Variants in ANO6 observed in about 807,000 individuals in gnomAD.
ANO6 encodes anoctamin 6, also known as anoctamin-6.
ANO6 carries 106 observed loss-of-function variants against 117.5 expected under a neutral mutation model. The observed-to-expected ratio is 0.90, with a 90% CI of 0.77 to 1.06. ANO6 has a LOEUF of 1.06. Ranked by LOEUF, ANO6 falls within the 50% of genes least tolerant of loss-of-function variation. The pLI is 0.00. For synonymous variants in ANO6, 367 were observed against 385.1 expected (o/e 0.95, Z 0.55); for missense variants, 955 against 1,121.1 (o/e 0.85, Z 2.12).
chr12:45,305,064 G>C (rs867920752), intron 2 of ANO6, among the ~76,000 whole-genome samples: 1 of 152,190 alleles, frequency 6.6e-6, no homozygotes, highest in Admixed American at 6.5e-5. Flanking sequence ...TGCAGACTGA[G>C]GCAGATAAGT....
chr12:45,386,583 G>T (rs1471677522), intron 10 of ANO6, among the ~76,000 whole-genome samples: 2 of 152,150 alleles, frequency 1.3e-5, no homozygotes, highest in Non-Finnish European at 2.9e-5. Context: ...CTGCCAGCAG[G>T]TCTCCCTGCC....
chr12:45,397,705 A>T lies in ANO6; in HGVS notation c.1387-4090A>T, dbSNP rs141203890. 3.7e-3 allele frequency among the ~76,000 whole-genome samples: 559 copies of T among 152,320 alleles called. 4 individuals carry two copies. Among genetic ancestry groups the T allele is most frequent in the African/African-American group, 0.013 (525 of 41,570 alleles). On this transcript the variant is annotated intron_variant, in intron 12 of 19. Coordinates refer to ENST00000320560, the MANE Select transcript of ANO6 (RefSeq NM_001025356.3). ...TTGCAGGGACATGGATGAAGCTGGA[A>T]ACCATCATTCTGAGCAGACTATCAC... is the stretch of plus-strand genomic sequence containing the variant.
intron 1 of ANO6, among the ~76,000 whole-genome samples, chr12:45,271,720 G>A (rs1306935454): frequency 1.3e-5 from 2 of 152,168 alleles, no homozygotes; most frequent in Non-Finnish European, 2.9e-5. Context: ...ATCACAGCTA[G>A]TATCTGCTTA....
At chr12:45,397,002 A>G (rs896248547) in intron 12 of ANO6, among the ~76,000 whole-genome samples, 13 of 152,340 alleles carry the variant, frequency 8.5e-5, no homozygotes, top group Admixed American at 6.5e-4. Context: ...ATGGGATCTA[A>G]TTAAACTAAA....
intron 16 of ANO6, among the ~76,000 whole-genome samples, chr12:45,415,539 G>A (rs1475263294): frequency 6.6e-6 from 1 of 152,214 alleles, no homozygotes; most frequent in Non-Finnish European, 1.5e-5. Context: ...AGTTATTTAG[G>A]GTTGGGTGAG....
At chr12:45,278,073 C>A (rs1938608603) in intron 1 of ANO6, among the ~76,000 whole-genome samples, 1 of 152,030 alleles carries the variant, frequency 6.6e-6, no homozygotes, top group African/African-American at 2.4e-5. Flanking sequence ...CCGCTCAAAC[C>A]ACCCTCCACC....
chr12:45,237,091 G>A (rs544319972), intron 1 of ANO6, among the ~76,000 whole-genome samples: 1 of 152,100 alleles, frequency 6.6e-6, no homozygotes, highest in Admixed American at 6.5e-5. Flanking sequence ...TTTTTTTCTT[G>A]TAAATTTGAA....
intron 2 of ANO6, among the ~76,000 whole-genome samples, chr12:45,315,538 G>A (rs1222384022): frequency 3.3e-5 from 5 of 151,934 alleles, no homozygotes; most frequent in South Asian, 2.1e-4. Flanking sequence ...CTTCCTATCC[G>A]TTAGATTCCT....
intron 11 of ANO6, among the ~76,000 whole-genome samples, chr12:45,389,165 G>A (rs935762161): frequency 1.9e-4 from 29 of 152,136 alleles, no homozygotes; most frequent in African/African-American, 6.3e-4. Flanking sequence ...ACAAAATGTT[G>A]GCACTAAAAG....
At chr12:45,294,174 A>G (rs1939211287) in intron 1 of ANO6, among the ~76,000 whole-genome samples, 1 of 152,190 alleles carries the variant, frequency 6.6e-6, no homozygotes, top group South Asian at 2.1e-4. Flanking sequence ...GGAAAGAGAA[A>G]GGTCAAGAAT....
At chr12:45,275,551 A>G (rs890744295) in intron 1 of ANO6, among the ~76,000 whole-genome samples, 13 of 152,142 alleles carry the variant, frequency 8.5e-5, no homozygotes, top group African/African-American at 2.7e-4. Context: ...TGTTGCCTAC[A>G]TGTACTACAG....
chr12:45,224,379 A>T (rs1263508865), intron 1 of ANO6, among the ~76,000 whole-genome samples: 1 of 152,220 alleles, frequency 6.6e-6, no homozygotes, highest in Non-Finnish European at 1.5e-5. Flanking sequence ...TTGTGTACAT[A>T]TCATAAATAT....
At chr12:45,255,274 A>AT (rs1398985206) in intron 1 of ANO6, among the ~76,000 whole-genome samples, 1 of 152,086 alleles carries the variant, frequency 6.6e-6, no homozygotes, top group Non-Finnish European at 1.5e-5. Flanking sequence ...CTGCCTTGGA[A>AT]TTTTTTTCTT....
chr12:45,422,068 C>A (rs1253493488), intron 18 of ANO6, among the ~76,000 whole-genome samples: 2 of 152,196 alleles, frequency 1.3e-5, no homozygotes, highest in African/African-American at 4.8e-5. Context: ...AGCCTCTTTA[C>A]AATTCTGCAT....
chr12:45,411,424 T>C (rs1285389381), intron 16 of ANO6, among the ~76,000 whole-genome samples: 1 of 152,170 alleles, frequency 6.6e-6, no homozygotes, highest in African/African-American at 2.4e-5. Flanking sequence ...TTTCTGGGAG[T>C]AGGCAGTCTG....
chr12:45,379,744 T>C (rs1942121919), intron 10 of ANO6, among the ~76,000 whole-genome samples: 2 of 152,238 alleles, frequency 1.3e-5, no homozygotes, highest in Admixed American at 6.5e-5. Context: ...TCAAATTTAC[T>C]AGCTAACCTT....
intron 2 of ANO6, among the ~76,000 whole-genome samples, chr12:45,305,395 CTG>C (rs1192703198): frequency 5.9e-5 from 9 of 152,196 alleles, no homozygotes; most frequent in African/African-American, 2.2e-4. Flanking sequence ...TTTTCCCACA[CTG>C]TTTTGTTTTC....
intron 2 of ANO6, among the ~76,000 whole-genome samples, chr12:45,303,515 C>G: frequency 6.6e-6 from 1 of 152,142 alleles, no homozygotes; most frequent in East Asian, 1.9e-4. Context: ...GTTGGTGCGC[C>G]TGGTAAACCT....
intron 1 of ANO6, among the ~76,000 whole-genome samples, chr12:45,278,650 C>G (rs1386291375): frequency 6.6e-6 from 1 of 152,084 alleles, no homozygotes; most frequent in Non-Finnish European, 1.5e-5. Flanking sequence ...TCTGATGATG[C>G]AAGAGTTTTT....
Sources: gnomAD v4.1 joint callset for allele counts (sites outside exome capture counted in the v4.1 genomes callset) on GRCh38, gnomAD v4.1.1 for gene constraint, MANE v1.5 for transcripts, NCBI Gene and HGNC (gene_info 2026-07-23, HGNC 2026-07-21) for gene names.